DPP10: variants seen among roughly 807,000 people sequenced by gnomAD.
The protein encoded by DPP10 is dipeptidyl peptidase like 10.
DPP10 carries 33 observed loss-of-function variants against 120.9 expected under a neutral mutation model. The ratio of observed to expected loss-of-function variants is 0.27; its 90% confidence interval spans 0.21 to 0.37. The LOEUF is 0.37. DPP10 is among the 10% of genes least tolerant of loss of function. The pLI is 1.00. For synonymous variants in DPP10, 337 were observed against 326.1 expected (o/e 1.03, Z -0.36); for missense variants, 816 against 942.8 (o/e 0.87, Z 1.76).
chr2:115,813,311 A>T (rs950774695), intron 19 of DPP10, among the ~76,000 whole-genome samples: 1 of 152,196 alleles, frequency 6.6e-6, no homozygotes, highest in Non-Finnish European at 1.5e-5. Context: ...TCAATGTGCC[A>T]GCAGGATTGG....
chr2:115,019,851 G>A (rs1702941241), intron 1 of DPP10, among the ~76,000 whole-genome samples: 1 of 152,220 alleles, frequency 6.6e-6, no homozygotes, highest in African/African-American at 2.4e-5. Context: ...AGGGACCTGG[G>A]TCCTATCTTT....
At chr2:115,833,253 C>T (rs548384111) in intron 21 of DPP10, among the ~76,000 whole-genome samples, 4 of 152,140 alleles carry the variant, frequency 2.6e-5, no homozygotes, top group Admixed American at 2.0e-4. Context: ...TCAATGTTTT[C>T]AGGTTATATA....
intron 3 of DPP10, among the ~76,000 whole-genome samples, chr2:115,442,523 A>G (rs1432005848): frequency 6.6e-6 from 1 of 152,094 alleles, no homozygotes; most frequent in Non-Finnish European, 1.5e-5. Flanking sequence ...TAGGATTTGT[A>G]AGAGAGGAAG....
intron 5 of DPP10, among the ~76,000 whole-genome samples, chr2:115,596,391 T>G (rs1187924841): frequency 6.6e-6 from 1 of 152,168 alleles, no homozygotes; most frequent in Non-Finnish European, 1.5e-5. Flanking sequence ...AATATTTGAT[T>G]TAAGTATTTT....
intron 1 of DPP10, among the ~76,000 whole-genome samples, chr2:114,811,452 C>T (rs1685162970): frequency 6.6e-6 from 1 of 152,034 alleles, no homozygotes; most frequent in African/African-American, 2.4e-5. Flanking sequence ...ACATTTACCA[C>T]CACCATCACC....
chr2:115,781,122 A>T, intron 16 of DPP10, 127 bp downstream of exon 16: 1 of 644,216 alleles, frequency 1.6e-6, no homozygotes, highest in Non-Finnish European at 2.4e-6. Flanking sequence ...TGTTAATAGG[A>T]TATACATTAT....
chr2:114,753,789 C>T (rs957512447), intron 1 of DPP10, among the ~76,000 whole-genome samples: 5 of 151,148 alleles, frequency 3.3e-5, no homozygotes, highest in African/African-American at 4.9e-5. Context: ...GGCGACTGTA[C>T]TCCCAGCTGC....
At chr2:115,317,608 A>C (rs2061856274) in intron 2 of DPP10, among the ~76,000 whole-genome samples, 2 of 150,904 alleles carry the variant, frequency 1.3e-5, no homozygotes, top group South Asian at 4.2e-4. Flanking sequence ...GTTTCTCCAA[A>C]TTCTTAGAAA....
At chr2:115,469,270 A>G (rs1204445736) in intron 3 of DPP10, among the ~76,000 whole-genome samples, 1 of 152,218 alleles carries the variant, frequency 6.6e-6, no homozygotes, top group Non-Finnish European at 1.5e-5. Context: ...AAGAAAGACC[A>G]AAGAAGTATT....
intron 1 of DPP10, among the ~76,000 whole-genome samples, chr2:114,655,447 G>A (rs747951950): frequency 4.6e-5 from 7 of 152,154 alleles, no homozygotes; most frequent in African/African-American, 7.2e-5. Context: ...CAAGAAAAGC[G>A]CATTTAGAAG....
At chr2:114,972,347 G>A (rs1356428652) in intron 1 of DPP10, among the ~76,000 whole-genome samples, 1 of 152,130 alleles carries the variant, frequency 6.6e-6, no homozygotes, top group Non-Finnish European at 1.5e-5. Flanking sequence ...AAGATCCGTG[G>A]CCTCAGTGGT....
chr2:115,440,549 G>T (rs2071937541), intron 3 of DPP10, among the ~76,000 whole-genome samples: 1 of 152,206 alleles, frequency 6.6e-6, no homozygotes, highest in African/African-American at 2.4e-5. Flanking sequence ...CCTTTATTAA[G>T]CCGGCGGCCA....
intron 3 of DPP10, among the ~76,000 whole-genome samples, chr2:115,469,930 G>A (rs1574941396): frequency 6.6e-6 from 1 of 151,276 alleles, no homozygotes; most frequent in East Asian, 1.9e-4. Flanking sequence ...TTTAAAATGT[G>A]GATATCAGTT....
intron 4 of DPP10, among the ~76,000 whole-genome samples, chr2:115,502,787 G>A (rs1188357108): frequency 6.6e-6 from 1 of 152,034 alleles, no homozygotes; most frequent in Non-Finnish European, 1.5e-5. Flanking sequence ...TTAAACTCCT[G>A]GGCTCAAGTG....
intron 5 of DPP10, among the ~76,000 whole-genome samples, chr2:115,665,262 A>G (rs943920173): frequency 2.0e-5 from 3 of 152,218 alleles, no homozygotes; most frequent in Non-Finnish European, 2.9e-5. Flanking sequence ...ACCTTTTGAC[A>G]AAGGCACATG....
intron 1 of DPP10, among the ~76,000 whole-genome samples, chr2:115,119,134 G>C (rs2049692776): frequency 6.6e-6 from 1 of 152,116 alleles, no homozygotes; most frequent in Admixed American, 6.6e-5. Context: ...CACATGCACA[G>C]GGGCCTGGTA....
At chr2:115,242,120 T>A (rs2058312215) in intron 1 of DPP10, among the ~76,000 whole-genome samples, 1 of 152,174 alleles carries the variant, frequency 6.6e-6, no homozygotes, top group South Asian at 2.1e-4. Flanking sequence ...GTATACACTG[T>A]ACCCAATTTG....
chr2:114,867,450 T>C, intron 1 of DPP10, among the ~76,000 whole-genome samples: 1 of 152,196 alleles, frequency 6.6e-6, no homozygotes, highest in Non-Finnish European at 1.5e-5. Flanking sequence ...GTTATGCTTT[T>C]TAGCTTCTTC....
intron 1 of DPP10, among the ~76,000 whole-genome samples, chr2:114,898,233 C>T (rs1208329598): frequency 2.0e-5 from 3 of 151,534 alleles, no homozygotes; most frequent in Non-Finnish European, 1.5e-5. Flanking sequence ...TCATTCTCAG[C>T]AAACTATCGC....
Sources: allele counts gnomAD v4.1 joint callset (sites outside exome capture counted in the v4.1 genomes callset), GRCh38; gene constraint gnomAD v4.1.1; transcripts MANE v1.5; gene names NCBI Gene and HGNC (gene_info 2026-07-23, HGNC 2026-07-21).